LGALS8: variants seen among roughly 807,000 people sequenced by gnomAD.
LGALS8 encodes the protein galectin-8.
LGALS8 carries 30 observed loss-of-function variants against 35.9 expected under a neutral mutation model. That is an observed-to-expected ratio of 0.83 (90% confidence interval 0.62 to 1.13). LGALS8 has a LOEUF of 1.13. LGALS8 is among the 50% of genes most tolerant of loss of function. The pLI is 0.00. For missense variants in LGALS8, 366 were observed against 388.7 expected (o/e 0.94, Z 0.49); for synonymous variants, 138 against 136.1 (o/e 1.01, Z -0.10).
chr1:236,550,837 C>A lies in LGALS8; in HGVS notation c.*2676C>A. 1.5e-6 allele frequency: 2 copies of A among 1,300,892 alleles called. No homozygotes were observed. Among genetic ancestry groups the A allele is most frequent in the Non-Finnish European group, 2.1e-6 (2 of 932,384 alleles). The allele number at this position is 1,300,892 out of a possible 1,614,324, so 80.6% of individuals were successfully genotyped here. On this transcript the variant is annotated 3_prime_UTR_variant, in exon 10 of 10. Transcript: ENST00000366584. ...CCAAAAGTAACATGGCACCCAACAC[C>A]CAAAAATAAAAATATGAAATATGAG...
intron 8 of LGALS8, among the ~76,000 whole-genome samples, chr1:236,544,331 C>A (rs1026547566): frequency 1.3e-5 from 2 of 152,140 alleles, no homozygotes; most frequent in Admixed American, 6.5e-5. Context: ...AGACGTCCAG[C>A]CTTCTGAAAG....
rs374170586 is a variant in LGALS8 at position 236,545,513 on chromosome 1, C to T, written c.804+598C>T. 2.0e-5 allele frequency among the ~76,000 whole-genome samples: 3 copies of T among 152,194 alleles called. No homozygotes were observed. In the South Asian group the frequency reaches 6.2e-4, roughly 32 times the overall value. On this transcript the variant is annotated intron_variant, in intron 9 of 9. Coordinates refer to ENST00000366584, the MANE Select transcript of LGALS8 (RefSeq NM_201544.4). The stretch of plus-strand genomic sequence containing the variant: ...CGGATGCCGGGTGTTTGGCCAGCCT[C>T]AATCACCAGCTCAGGTGCCACTGCC...
At position 236,538,086 on chromosome 1, in the gene LGALS8, C is replaced by CAAAAAAAAAAA. The variant is rs548113542; in HGVS notation, c.134+503_134+513dup. Among the ~76,000 whole-genome samples the CAAAAAAAAAAA allele has an allele frequency of 6.9e-3, 347 of 49,982 alleles. 5 individuals carry two copies. Among genetic ancestry groups the CAAAAAAAAAAA allele is most frequent in the African/African-American group, 0.016 (332 of 20,582 alleles). The allele number at this position is 49,982 out of a possible 152,430, so 32.8% of individuals were successfully genotyped here. ...AGCCACTGCACTATAGCCTGGGTGA[C>CAAAAAAAAAAA]AAAAAAAAAAAAGAAAAAGAAAAAG... On this transcript the variant is annotated intron_variant, in intron 3 of 9. Transcript: ENST00000366584.
At chr1:236,537,619 T>C (rs1661628336) in intron 3 of LGALS8, 34 bp downstream of exon 3, 2 of 1,410,234 alleles carry the variant, frequency 1.4e-6, no homozygotes, top group African/African-American at 1.4e-5. Flanking sequence ...GGAGCATGAA[T>C]AGGCTGTCTT....
At chr1:236,528,524 T>A (rs1428889374) in intron 2 of LGALS8, among the ~76,000 whole-genome samples, 1 of 150,746 alleles carries the variant, frequency 6.6e-6, no homozygotes, top group Non-Finnish European at 1.5e-5. Flanking sequence ...ACTTTTTAAT[T>A]TTTATTTCAT....
chr1:236,536,458 G>T (rs1661511214), intron 2 of LGALS8: 1 of 152,516 alleles, frequency 6.6e-6, no homozygotes, highest in South Asian at 2.1e-4. Context: ...AGAAAAAAAG[G>T]GCTGGGTTCT....
intron 3 of LGALS8, among the ~76,000 whole-genome samples, chr1:236,537,835 A>C (rs2737707): frequency 0.7 from 103,618 of 148,896 alleles, 36,959 homozygotes; most frequent in Non-Finnish European, 0.72. Context: ...TGGTGACTTA[A>C]ACATACTTTT....
intron 2 of LGALS8, among the ~76,000 whole-genome samples, chr1:236,531,089 T>C (rs1369771508): frequency 6.6e-6 from 1 of 152,202 alleles, no homozygotes; most frequent in Non-Finnish European, 1.5e-5. Context: ...AAATGTCATT[T>C]TATTTAGAAC....
chr1:236,520,898 G>A (rs149100627), upstream of LGALS8, among the ~76,000 whole-genome samples: 1 of 152,246 alleles, frequency 6.6e-6, no homozygotes, highest in African/African-American at 2.4e-5. Context: ...GCAGCTGCTC[G>A]CTAAGGCTGG....
chr1:236,539,257 GTA>G (rs386640714), intron 4 of LGALS8, 168 bp downstream of exon 4: 389,324 of 618,702 alleles, frequency 0.63, 125,669 homozygotes, highest in Non-Finnish European at 0.68. Context: ...TAAATGTGAG[GTA>G]TGGCACCACT....
chr1:236,528,396 C>CT (rs1370694517), intron 2 of LGALS8, among the ~76,000 whole-genome samples: 1 of 149,578 alleles, frequency 6.7e-6, no homozygotes, highest in Admixed American at 6.6e-5. Flanking sequence ...AAAAAAAAAC[C>CT]CCCCCACACA....
chr1:236,551,975 G>A lies in LGALS8; in HGVS notation c.*3814G>A. 7.2e-7 allele frequency: 1 copy of A among 1,397,504 alleles called. No individual in the cohort carries two copies. The allele number at this position is 1,397,504 out of a possible 1,614,324, so 86.6% of individuals were successfully genotyped here. A position where few individuals can be genotyped will look rare whatever the true frequency, so the allele number is the denominator to read the frequency against. On this transcript the variant is annotated 3_prime_UTR_variant, in exon 10 of 10. Transcript: ENST00000366584. ...CTGAATTATTCCTTAATTGTTTAAT[G>A]GTTGGGAATAGTTTGGGAATTACCT...
intron 2 of LGALS8, among the ~76,000 whole-genome samples, chr1:236,535,223 AAAAATT>A (rs1181874939): frequency 6.6e-6 from 1 of 152,082 alleles, no homozygotes; most frequent in Non-Finnish European, 1.5e-5. Flanking sequence ...ATATGAAGAA[AAAAATT>A]AAAATCCCAT....
rs551916551 is a variant in LGALS8, at chr1:236,539,245, C to T, written c.345+156C>T. 38 of 597,144 alleles carry T rather than the reference C, an allele frequency of 6.4e-5. No homozygotes were observed. In the African/African-American group the frequency reaches 8.5e-4, roughly 13 times the overall value. 37.0% of individuals were successfully genotyped at this position (597,144 alleles called of 1,614,324 possible). A position where few individuals can be genotyped will look rare whatever the true frequency, so the allele number is the denominator to read the frequency against. ...TCTCCATAAAAGGACCAGGAAGGCA[C>T]CTAAATGTGAGGTATGGCACCACTA... is the stretch of plus-strand genomic sequence containing the variant. On this transcript the variant is annotated intron_variant, in intron 4 of 9. Transcript: ENST00000366584.
intron 2 of LGALS8, among the ~76,000 whole-genome samples, chr1:236,535,874 C>T (rs1018716624): frequency 3.3e-5 from 5 of 152,260 alleles, no homozygotes; most frequent in African/African-American, 1.2e-4. Flanking sequence ...TGCCTCTCCT[C>T]TGTATGTGTG....
chr1:236,525,851 A>G (rs960896261), intron 1 of LGALS8, 117 bp from the exon 2 acceptor site: 8 of 395,482 alleles, frequency 2.0e-5, no homozygotes, highest in Non-Finnish European at 3.6e-5. Context: ...GATTGTAATA[A>G]TATTCTATTA....
At chr1:236,527,729 T>C (rs569029726) in intron 2 of LGALS8, among the ~76,000 whole-genome samples, 3 of 147,058 alleles carry the variant, frequency 2.0e-5, no homozygotes, top group Admixed American at 2.0e-4. Context: ...ATTTATTCAA[T>C]TAATTTTTTT....
At chr1:236,547,431 G>A (rs1662437051) in intron 9 of LGALS8, among the ~76,000 whole-genome samples, 1 of 152,162 alleles carries the variant, frequency 6.6e-6, no homozygotes. Flanking sequence ...CTGAGGCCAA[G>A]ATGTGCTGAG....
intron 9 of LGALS8, among the ~76,000 whole-genome samples, chr1:236,546,185 ATT>A (rs1164633484): frequency 6.6e-6 from 1 of 152,054 alleles, no homozygotes; most frequent in Non-Finnish European, 1.5e-5. Context: ...CATTCCAGGC[ATT>A]TTTTTGCAGA....
Sources: gnomAD v4.1 joint callset for allele counts (sites outside exome capture counted in the v4.1 genomes callset) on GRCh38, gnomAD v4.1.1 for gene constraint, MANE v1.5 for transcripts, NCBI Gene and HGNC (gene_info 2026-07-23, HGNC 2026-07-21) for gene names.